CFAP107: variants seen among roughly 807,000 people sequenced by gnomAD.
CFAP107 encodes cilia and flagella associated protein 107.
At chr1:12,748,427 A>G in the CFAP107 span, among the ~76,000 whole-genome samples, 2 of 151,922 alleles carry the variant, frequency 1.3e-5, no homozygotes, top group African/African-American at 2.4e-5. Flanking sequence ...TTGGAAATTA[A>G]AACATTTAAA....
the CFAP107 span, chr1:12,755,765 C>T: frequency 1.9e-6 from 3 of 1,613,868 alleles, no homozygotes; most frequent in Non-Finnish European, 2.5e-6. Context: ...CCTTCCCAGA[C>T]CACAGACCAG....
At chr1:12,757,391 T>A in the CFAP107 span, among the ~76,000 whole-genome samples, 89 of 68,424 alleles carry the variant, frequency 1.3e-3, no homozygotes, top group Non-Finnish European at 2.3e-3. Flanking sequence ...TTTTCTTTTC[T>A]TTTTTTTTGA....
At chr1:12,755,597 C>T in the CFAP107 span, 1 of 786,882 alleles carries the variant, frequency 1.3e-6, no homozygotes, top group Non-Finnish European at 2.3e-6. Context: ...TTATATTTAC[C>T]TTTTCCCTAC....
the CFAP107 span, among the ~76,000 whole-genome samples, chr1:12,746,840 T>G: frequency 6.6e-6 from 1 of 152,126 alleles, no homozygotes; most frequent in East Asian, 1.9e-4. Context: ...AATATAGTCG[T>G]GCCTCTCAGC....
At chr1:12,752,224 C>G in the CFAP107 span, among the ~76,000 whole-genome samples, 1 of 151,942 alleles carries the variant, frequency 6.6e-6, no homozygotes, top group African/African-American at 2.4e-5. Flanking sequence ...AGTAGAAACC[C>G]CCATTCAATA....
At chr1:12,759,451 C>A in the CFAP107 span, 1 of 1,614,170 alleles carries the variant, frequency 6.2e-7, no homozygotes, top group Non-Finnish European at 8.5e-7. Context: ...ACAGAAGTTG[C>A]TGTGGCTGCC....
At chr1:12,754,085 A>G in the CFAP107 span, among the ~76,000 whole-genome samples, 1 of 152,224 alleles carries the variant, frequency 6.6e-6, no homozygotes, top group South Asian at 2.1e-4. Context: ...AGAGTAAATG[A>G]CAACCAATGG....
chr1:12,754,572 A>C, the CFAP107 span, among the ~76,000 whole-genome samples: 1 of 152,242 alleles, frequency 6.6e-6, no homozygotes, highest in Non-Finnish European at 1.5e-5. Context: ...ATTAATAGTA[A>C]CTATTCACAG....
the CFAP107 span, chr1:12,762,042 A>G: frequency 6.6e-6 from 1 of 152,386 alleles, no homozygotes; most frequent in South Asian, 2.1e-4. Flanking sequence ...TGCTTGGCTC[A>G]TGGGCACAGG....
the CFAP107 span, among the ~76,000 whole-genome samples, chr1:12,759,855 T>A: frequency 6.6e-6 from 1 of 152,122 alleles, no homozygotes; most frequent in African/African-American, 2.4e-5. Context: ...ACTGAGGAAT[T>A]TCTGGACTCG....
chr1:12,756,605 G>C, the CFAP107 span, among the ~76,000 whole-genome samples: 1 of 152,102 alleles, frequency 6.6e-6, no homozygotes, highest in African/African-American at 2.4e-5. Context: ...TGTTTCTTTT[G>C]CCAGCCTGCT....
chr1:12,757,091 TAAAC>T, the CFAP107 span, among the ~76,000 whole-genome samples: 3 of 152,178 alleles, frequency 2.0e-5, no homozygotes, highest in Admixed American at 2.0e-4. Context: ...AATTTTAACA[TAAAC>T]AAGTCAAAGT....
the CFAP107 span, chr1:12,759,627 G>C: frequency 2.2e-6 from 2 of 928,294 alleles, no homozygotes; most frequent in Non-Finnish European, 3.4e-6. Flanking sequence ...AGTAGGGGCT[G>C]AGTTCTATTG....
chr1:12,746,645 C>A, the CFAP107 span: 1 of 821,020 alleles, frequency 1.2e-6, no homozygotes, highest in Non-Finnish European at 2.1e-6. Flanking sequence ...CAGATGATTG[C>A]ATCTTAAAAA....
At chr1:12,760,132 A>G in the CFAP107 span, among the ~76,000 whole-genome samples, 18 of 152,218 alleles carry the variant, frequency 1.2e-4, no homozygotes, top group East Asian at 3.5e-3. Flanking sequence ...CAGAGGAAGG[A>G]ACAGTAAATG....
At chr1:12,762,396 C>G in the CFAP107 span, 1 of 146,898 alleles carries the variant, frequency 6.8e-6, no homozygotes, top group Non-Finnish European at 1.5e-5. Flanking sequence ...ACTTTGGCAC[C>G]TACTAAGTTC....
At chr1:12,750,692 T>A in the CFAP107 span, among the ~76,000 whole-genome samples, 1 of 152,006 alleles carries the variant, frequency 6.6e-6, no homozygotes, top group Non-Finnish European at 1.5e-5. Flanking sequence ...GTTACACACA[T>A]GTACACACCA....
At chr1:12,751,977 C>G in the CFAP107 span, among the ~76,000 whole-genome samples, 3 of 152,066 alleles carry the variant, frequency 2.0e-5, no homozygotes, top group Non-Finnish European at 1.5e-5. Flanking sequence ...AAAAATCTCC[C>G]AACAAAGGAA....
At chr1:12,747,016 G>A in the CFAP107 span, among the ~76,000 whole-genome samples, 1 of 151,530 alleles carries the variant, frequency 6.6e-6, no homozygotes, top group Non-Finnish European at 1.5e-5. Context: ...GGGATTTGCT[G>A]CTGCTCTCTG....
Sources: allele counts gnomAD v4.1 joint callset (sites outside exome capture counted in the v4.1 genomes callset), GRCh38; gene constraint gnomAD v4.1.1; transcripts MANE v1.5; gene names NCBI Gene and HGNC (gene_info 2026-07-23, HGNC 2026-07-21).